The following RGS11 variants were observed in gnomAD, a reference collection of about 807,000 sequenced individuals.
The protein encoded by RGS11 is regulator of G-protein signaling 11.
Under a neutral mutation model 71.1 loss-of-function variants are expected in RGS11, and 86 were observed. The observed-to-expected ratio is 1.21, with a 90% CI of 1.02 to 1.45. RGS11 has a LOEUF of 1.45. Among genes scored for constraint, RGS11 ranks in the 40% most tolerant of loss-of-function variants. The pLI, the probability that RGS11 is intolerant of heterozygous loss-of-function variation, is 0.00. For synonymous variants in RGS11, 298 were observed against 254.2 expected (o/e 1.17, Z -1.64); for missense variants, 734 against 635.1 (o/e 1.16, Z -1.67).
Position 274,059 on chromosome 16 carries a change from AG to A in RGS11, c.412del (p.Leu138TrpfsTer24). 2 of 1,550,828 alleles carry A rather than the reference AG, an allele frequency of 1.3e-6. No homozygotes were observed. Among genetic ancestry groups the A allele is most frequent in the Non-Finnish European group, 1.7e-6 (2 of 1,147,104 alleles). On this transcript the variant is annotated frameshift_variant, in exon 6 of 17. Coordinates refer to ENST00000397770, the MANE Select transcript of RGS11 (RefSeq NM_183337.3). LOFTEE classifies it high-confidence loss of function. ...AKKNIRKRGT[L>X]VDYEKDCYDR... ...GGGTCCCACCTTCTCATAATCCACCAGGGTCCCCCGTTTTCGGATGTTCTTC... is the reference window on the plus strand; with the variant it reads ...GGGTCCCACCTTCTCATAATCCACCAGGTCCCCCGTTTTCGGATGTTCTTC...
At position 274,132 on chromosome 16, in the gene RGS11, C is replaced by A. The variant is rs1315186616; in HGVS notation, c.371-31G>T. The stretch of plus-strand genomic sequence containing the variant: ...AGAACAGGGACAGCCTGCAGAGGGG[C>A]CAGCTCTGCCCTGCCTCACGGCATC... On this transcript the variant is annotated intron_variant, in intron 5 of 16. Transcript: ENST00000397770. The A allele has an allele frequency of 6.4e-6, 10 of 1,562,810 alleles. No individual in the cohort carries two copies. The South Asian group carries it at 1.1e-4, about 16-fold the overall frequency.
chr16:274,833 A>T (rs2052093307), intron 4 of RGS11, 143 bp downstream of exon 4: 1 of 1,159,996 alleles, frequency 8.6e-7, no homozygotes, highest in Admixed American at 2.0e-5. Context: ...GGAGGGGGCG[A>T]TGGACCACCA....
chr16:274,155 A>C, intron 5 of RGS11, 54 bp from the exon 6 acceptor site: 2 of 1,580,232 alleles, frequency 1.3e-6, no homozygotes, highest in Non-Finnish European at 1.7e-6. Context: ...GCCTCACGGC[A>C]TCACCCTGAG....
Position 274,895 on chromosome 16 carries a change from C to A in RGS11, c.318+81G>T, listed in dbSNP as rs774333225. Reference sequence around the variant, plus strand: ...CTCCAATCCCAGCAAGCTCGGCGCCCCTCCTGTCTCCCCGAGTTGGTAAGC... The same window carrying A: ...CTCCAATCCCAGCAAGCTCGGCGCCACTCCTGTCTCCCCGAGTTGGTAAGC... On this transcript the variant is annotated intron_variant, in intron 4 of 16. Transcript: ENST00000397770. The A allele has an allele frequency of 2.7e-5, 42 of 1,534,874 alleles. No homozygotes were observed. The South Asian group carries it at 4.5e-4, about 17-fold the overall frequency.
intron 15 of RGS11, among the ~76,000 whole-genome samples, chr16:270,122 G>A (rs546395392): frequency 5.9e-5 from 9 of 152,156 alleles, no homozygotes; most frequent in East Asian, 3.9e-4. Flanking sequence ...GGTGGCGGGC[G>A]CCTGTAGTCC....
chr16:270,021 G>C (rs550348666), intron 15 of RGS11: 1 of 180,234 alleles, frequency 5.5e-6, no homozygotes, highest in Non-Finnish European at 1.2e-5. Context: ...AGGCTGATGC[G>C]GGTGGATCAT....
rs1434728402 is a variant in RGS11, at chr16:275,320, C to T, written c.174G>A (p.Val58=). ...IPHAVTGSDV[V]QWLAQKFCVS... ...CGCAGAACTTCTGGGCCAACCACTG[C>T]ACGACGTCGCTGCCTGCACGGGAGA... Residue 58 remains valine (V), a synonymous_variant, in exon 3 of 17, where the codon GTG becomes GTA. Transcript: ENST00000397770. The T allele has an allele frequency of 6.2e-7, 1 of 1,612,420 alleles. No homozygotes were observed. The highest frequency in any genetic ancestry group is 1.3e-5 in the African/African-American group (1 of 74,940).
At position 270,621 on chromosome 16, in the gene RGS11, C is replaced by T. The variant is rs575363892; in HGVS notation, c.1108G>A (p.Asp370Asn). ...APGAAHWVNI[D>N]SRTMEQTLEG... Reference sequence around the variant, plus strand: ...AGGGTCTGCTCCATGGTCCGGCTGTCGATGTTGACCCAGTGGGCAGCTCCG... The same window carrying T: ...AGGGTCTGCTCCATGGTCCGGCTGTTGATGTTGACCCAGTGGGCAGCTCCG... The change falls in exon 15 of 17, where the codon GAC becomes AAC. Residue 370 changes from aspartate to asparagine, a missense_variant. Coordinates refer to ENST00000397770, the MANE Select transcript of RGS11 (RefSeq NM_183337.3). 528 of 1,608,412 alleles carry T rather than the reference C, an allele frequency of 3.3e-4. 5 individuals are homozygous for T. The South Asian group carries it at 5.3e-3, about 16-fold the overall frequency.
chr16:272,645 G>GC, intron 9 of RGS11: 1 of 1,455,740 alleles, frequency 6.9e-7, no homozygotes, highest in Non-Finnish European at 9.0e-7. Flanking sequence ...CCACTTACCT[G>GC]CACCCAGGGC....
intron 4 of RGS11, chr16:274,679 C>T (rs2052085239): frequency 1.5e-6 from 1 of 669,690 alleles, no homozygotes; most frequent in African/African-American, 1.8e-5. Flanking sequence ...AGGACCTGGG[C>T]CTAGGGACCC....
chr16:272,931 G>A lies in RGS11; in HGVS notation c.589C>T (p.Pro197Ser), dbSNP rs1367031408. 6.6e-7 allele frequency: 1 copy of A among 1,507,606 alleles called. No homozygotes were observed. Among genetic ancestry groups the A allele is most frequent in the Non-Finnish European group, 8.9e-7 (1 of 1,123,162 alleles). The allele number at this position is 1,507,606 out of a possible 1,614,324, so 93.4% of individuals were successfully genotyped here. Reference protein sequence around the residue: ...QTYWLVNRPPPGAPDVLEQGP... With the variant: ...QTYWLVNRPPSGAPDVLEQGP... ...TGCTCCAGCACATCGGGGGCCCCGG[G>A]CTGCGGAGGGGAGACGAGATGAGGT... is the stretch of plus-strand genomic sequence containing the variant. Residue 197 changes from proline to serine, a missense_variant and splice_region_variant, in exon 9 of 17, where the codon CCC (proline) becomes TCC (serine). Physicochemically the swap from Pro to Ser is moderately conservative, Grantham distance 74. Coordinates refer to ENST00000397770, the MANE Select transcript of RGS11 (RefSeq NM_183337.3).
chr16:271,760 G>A (rs2051951384), intron 9 of RGS11, 191 bp from the exon 10 acceptor site: 2 of 611,820 alleles, frequency 3.3e-6, no homozygotes, highest in Admixed American at 2.9e-5. Context: ...ACCTCTGGGG[G>A]CCTAAGGTCT....
At chr16:273,620 C>A in intron 7 of RGS11, 64 bp from the exon 8 acceptor site, 1 of 1,507,216 alleles carries the variant, frequency 6.6e-7, no homozygotes, top group South Asian at 1.2e-5. Context: ...CCCCCACCCT[C>A]AGGCCTGGAC....
At chr16:273,979 C>T (rs754480699) in intron 6 of RGS11, 64 bp downstream of exon 6, 17 of 1,448,620 alleles carry the variant, frequency 1.2e-5, no homozygotes, top group Admixed American at 4.0e-5. Flanking sequence ...CCCGGGGGGC[C>T]GTGAGTGAGG....
chr16:270,932 C>G, intron 13 of RGS11, 52 bp downstream of exon 13: 4 of 1,568,174 alleles, frequency 2.6e-6, no homozygotes, highest in Admixed American at 1.7e-5. Flanking sequence ...GGGAGGGGTC[C>G]CAGGCAGCAG....
At chr16:269,736 C>A in intron 15 of RGS11, 151 bp from the exon 16 acceptor site, 1 of 631,044 alleles carries the variant, frequency 1.6e-6, no homozygotes. Context: ...TCGGACCTGC[C>A]CAGACCAAGG....
At chr16:272,641 AC>A in intron 9 of RGS11, 1 of 1,457,408 alleles carries the variant, frequency 6.9e-7, no homozygotes, top group Non-Finnish European at 9.0e-7. Context: ...CACTCCACTT[AC>A]CTGCACCCAG....
At position 271,024 on chromosome 16, in the gene RGS11, C is replaced by A. The variant is rs771513879; in HGVS notation, c.939G>T (p.Gly313=). Residue 313 remains glycine, a synonymous_variant, in exon 13 of 17, where the codon GGG becomes GGT. Coordinates refer to ENST00000397770, the MANE Select transcript of RGS11 (RefSeq NM_183337.3). The part of the protein sequence containing the change: ...SFRELLEDPV[G]RAHFMDFLGK... Reference sequence around the variant, plus strand: ...CCAGAAAGTCCATGAAGTGGGCCCGCCCCACGGGGTCCTCCAGGAGCTCCC... The same window carrying A: ...CCAGAAAGTCCATGAAGTGGGCCCGACCCACGGGGTCCTCCAGGAGCTCCC... 1.6e-5 allele frequency: 25 copies of A among 1,612,464 alleles called. No individual in the cohort carries two copies. The South Asian group carries it at 2.4e-4, about 16-fold the overall frequency.
At chr16:275,670 G>C (rs192590196) in intron 1 of RGS11, 172 bp from the exon 2 acceptor site, 1 of 449,232 alleles carries the variant, frequency 2.2e-6, no homozygotes, top group Non-Finnish European at 3.3e-6. Flanking sequence ...GCCGGGGAGG[G>C]CCGGGGAGAC....
Sources: gnomAD v4.1 joint callset for allele counts (sites outside exome capture counted in the v4.1 genomes callset) on GRCh38, gnomAD v4.1.1 for gene constraint, MANE v1.5 for transcripts, NCBI Gene and HGNC (gene_info 2026-07-23, HGNC 2026-07-21) for gene names.